RAP1GAP: variants seen among roughly 807,000 people sequenced by gnomAD.
RAP1GAP encodes rap1 GTPase-activating protein 1.
In RAP1GAP, 35 loss-of-function variants were observed where a neutral mutation model predicts 87.2. The observed-to-expected ratio is 0.40, with a 90% CI of 0.31 to 0.53. RAP1GAP has a LOEUF of 0.53. Ranked by LOEUF, RAP1GAP falls within the 20% of genes least tolerant of loss-of-function variation. The pLI is 0.48. For synonymous variants in RAP1GAP, 375 were observed against 363.9 expected (o/e 1.03, Z -0.35); for missense variants, 734 against 898.9 (o/e 0.82, Z 2.35).
In RAP1GAP at chr1:21,597,708, G is replaced by T. The variant is rs199613456; in HGVS notation, c.*12C>A. The T allele has an allele frequency of 1.3e-4, 213 of 1,613,222 alleles. No individual in the cohort carries two copies. Among genetic ancestry groups the T allele is most frequent in the Non-Finnish European group, 5.3e-5 (62 of 1,179,466 alleles). ...AACCTGCTCAGTTTCACCTTCAGAG[G>T]GGGTGGCCCGGCTAACAGCCCTGCA... On this transcript the variant is annotated 3_prime_UTR_variant, in exon 24 of 25. Transcript: ENST00000374765.
intron 2 of RAP1GAP, among the ~76,000 whole-genome samples, chr1:21,648,687 C>G (rs9426676): frequency 0.14 from 21,349 of 152,216 alleles, 1,974 homozygotes; most frequent in Non-Finnish European, 0.21. Flanking sequence ...TTTTATCCCC[C>G]CTCAGTCTAC....
intron 1 of RAP1GAP, chr1:21,653,132 A>G (rs2096690240): frequency 6.6e-6 from 1 of 152,002 alleles, no homozygotes; most frequent in Admixed American, 6.5e-5. Context: ...GGTTTGTCTC[A>G]CCTAGGCAGG....
rs768982190 is a variant in RAP1GAP, at chr1:21,598,150, G to C, written c.1880-86C>G. On this transcript the variant is annotated intron_variant, in intron 22 of 24. Transcript: ENST00000374765. ...GGGCATAGGTGGGCGGTCGGCACCA[G>C]TGCGCTCCAACCCCACCCTTAACTT... The C allele has an allele frequency of 3.1e-4, 277 of 898,446 alleles. No individual in the cohort carries two copies. In the Middle Eastern group the frequency reaches 3.2e-3, roughly 10 times the overall value. The allele number at this position is 898,446 out of a possible 1,614,324, so 55.7% of individuals were successfully genotyped here.
chr1:21,603,707 C>T lies in RAP1GAP; in HGVS notation c.1429-794G>A. 9.7e-7 allele frequency: 1 copy of T among 1,035,158 alleles called. No homozygotes were observed. Among genetic ancestry groups the T allele is most frequent in the Non-Finnish European group, 1.5e-6 (1 of 661,548 alleles). The allele number at this position is 1,035,158 out of a possible 1,614,324, so 64.1% of individuals were successfully genotyped here. On this transcript the variant is annotated intron_variant, in intron 18 of 24. Coordinates refer to ENST00000374765, the MANE Select transcript of RAP1GAP (RefSeq NM_002885.4). This position sits in a 1 kb window ranked among gnomAD's most constrained non-coding sequence, Gnocchi z 6.0. Reference sequence around the variant, plus strand: ...GCCATCGGAGCTGCCGCCACTCCATCCCGCACGCCCTGGGGCCTGTCCCGG... The same window carrying T: ...GCCATCGGAGCTGCCGCCACTCCATTCCGCACGCCCTGGGGCCTGTCCCGG...
At chr1:21,638,506 C>T (rs2095166258) in intron 2 of RAP1GAP, among the ~76,000 whole-genome samples, 1 of 150,904 alleles carries the variant, frequency 6.6e-6, no homozygotes, top group South Asian at 2.1e-4. Flanking sequence ...GCGTATGGGA[C>T]CCTGAGGCCC....
At chr1:21,608,474 G>T in intron 16 of RAP1GAP, 124 bp from the exon 17 acceptor site, 1 of 1,323,984 alleles carries the variant, frequency 7.6e-7, no homozygotes, top group Non-Finnish European at 1.0e-6. Context: ...AGTGGGGAGG[G>T]CGGAGGGCTC....
intron 13 of RAP1GAP, 35 bp from the exon 14 acceptor site, chr1:21,610,310 C>T (rs370403115): frequency 5.0e-6 from 8 of 1,609,984 alleles, no homozygotes; most frequent in South Asian, 1.1e-5. Flanking sequence ...GTGGTCTGGC[C>T]AGAGGGGGCC....
intron 19 of RAP1GAP, 139 bp downstream of exon 19, chr1:21,602,665 A>C: frequency 1.4e-6 from 1 of 699,210 alleles, no homozygotes; most frequent in Non-Finnish European, 2.3e-6. Flanking sequence ...CGCAGCAGGG[A>C]CTTGACCACA....
intron 20 of RAP1GAP, among the ~76,000 whole-genome samples, chr1:21,600,560 TC>T (rs1467647411): frequency 1.3e-5 from 2 of 152,162 alleles, no homozygotes; most frequent in African/African-American, 4.8e-5. Context: ...ATTAAAATCC[TC>T]CCAAGGTTCC....
chr1:21,636,664 G>T (rs552402135), intron 2 of RAP1GAP, among the ~76,000 whole-genome samples: 2 of 151,924 alleles, frequency 1.3e-5, no homozygotes, highest in South Asian at 4.2e-4. Flanking sequence ...AAAATTAGCC[G>T]GGTGTGGTAG....
intron 2 of RAP1GAP, among the ~76,000 whole-genome samples, chr1:21,636,946 A>AGGG (rs2094821666): frequency 1.6e-5 from 1 of 62,230 alleles, no homozygotes; most frequent in Non-Finnish European, 3.1e-5. Flanking sequence ...GGGAGGGAGG[A>AGGG]AGGGAGGGAG....
chr1:21,606,317 A>T (rs2074517710), intron 17 of RAP1GAP, 120 bp from the exon 18 acceptor site: 2 of 1,369,806 alleles, frequency 1.5e-6, no homozygotes, highest in Non-Finnish European at 1.9e-6. Context: ...AAGCCCTGGA[A>T]ATCCCTTCCC....
intron 18 of RAP1GAP, 64 bp from the exon 19 acceptor site, chr1:21,602,977 C>G (rs2070235061): frequency 8.1e-7 from 1 of 1,232,520 alleles, no homozygotes; most frequent in South Asian, 1.3e-5. Context: ...CCCCCACATC[C>G]CCTCTGGGGA....
At chr1:21,638,239 C>T (rs1053380973) in intron 2 of RAP1GAP, among the ~76,000 whole-genome samples, 7 of 151,876 alleles carry the variant, frequency 4.6e-5, no homozygotes, top group African/African-American at 1.5e-4. Context: ...AGGTGGATCA[C>T]TTGAGGTCAG....
chr1:21,657,596 C>T (rs906354933), intron 1 of RAP1GAP, among the ~76,000 whole-genome samples: 2 of 152,250 alleles, frequency 1.3e-5, no homozygotes, highest in Non-Finnish European at 1.5e-5. Context: ...GGTGTCTAGC[C>T]GGCCAGCCCC....
chr1:21,617,552 C>T, intron 6 of RAP1GAP, 61 bp from the exon 7 acceptor site: 1 of 1,519,360 alleles, frequency 6.6e-7, no homozygotes, highest in Non-Finnish European at 8.9e-7. Context: ...CCCCAGGACA[C>T]CCTCCCAACT....
At position 21,608,936 on chromosome 1, in the gene RAP1GAP, C is replaced by T; in HGVS notation, c.1072G>A (p.Gly358Arg). The change falls in exon 16 of 25, where the codon GGG becomes AGG. Residue 358 changes from glycine (G) to arginine (R), a missense_variant and splice_region_variant. By Grantham distance (125) the Gly-to-Arg change is moderately radical. Coordinates refer to ENST00000374765, the MANE Select transcript of RAP1GAP (RefSeq NM_002885.4). The stretch of plus-strand genomic sequence containing the variant: ...AGCAAAAATTCCTGGAACTCAGGCC[C>T]CTGGAAACTCCCAGTGTGGAGGAGA... ...PLPDPAVFRKGPEFQEFLLTK... is the reference protein window; with the variant it reads ...PLPDPAVFRKRPEFQEFLLTK... 6.2e-7 allele frequency: 1 copy of T among 1,611,144 alleles called. No homozygotes were observed. The highest frequency in any genetic ancestry group is 8.5e-7 in the Non-Finnish European group (1 of 1,177,288).
rs1367443554 is a variant in RAP1GAP at position 21,669,106 on chromosome 1, C to A, written c.-149+148G>T. 15 of 875,116 alleles carry A rather than the reference C, an allele frequency of 1.7e-5. No individual in the cohort carries two copies. Among genetic ancestry groups the A allele is most frequent in the Non-Finnish European group, 1.9e-5 (13 of 679,618 alleles). 54.2% of individuals were successfully genotyped at this position (875,116 alleles called of 1,614,324 possible). ...CGAGCCCAGCTGCGCCCACCCCTCG[C>A]CCCTGGAGACCCGGGTCCCCCACGC... On this transcript the variant is annotated intron_variant, in intron 1 of 24. Coordinates refer to ENST00000374765, the MANE Select transcript of RAP1GAP (RefSeq NM_002885.4). This position sits in a 1 kb window ranked among gnomAD's most constrained non-coding sequence, Gnocchi z 5.6.
At chr1:21,612,970 C>T in intron 10 of RAP1GAP, 2 of 603,932 alleles carry the variant, frequency 3.3e-6, no homozygotes, top group Non-Finnish European at 6.0e-6. Flanking sequence ...TAAACGCAGG[C>T]CCTCCTATCT....
Sources: allele counts gnomAD v4.1 joint callset (sites outside exome capture counted in the v4.1 genomes callset), GRCh38; gene constraint gnomAD v4.1.1; non-coding constraint Gnocchi (gnomAD v3.1); transcripts MANE v1.5; gene names NCBI Gene and HGNC (gene_info 2026-07-23, HGNC 2026-07-21).